Variants in CSMD1 observed in about 807,000 individuals in gnomAD.
CSMD1 encodes the protein CUB and Sushi multiple domains 1, also known as CUB and sushi domain-containing protein 1.
CSMD1 carries 213 observed loss-of-function variants against 417.5 expected under a neutral mutation model. That is an observed-to-expected ratio of 0.51 (90% CI 0.46 to 0.57). The LOEUF (loss-of-function observed/expected upper bound fraction) is 0.57. CSMD1 is among the 20% of genes least tolerant of loss of function. The pLI, the probability that CSMD1 is intolerant of heterozygous loss-of-function variation, is 0.00. For missense variants in CSMD1, 6,923 were observed against 4,529.7 expected (o/e 1.53, Z -15.17); for synonymous variants, 2,862 against 1,736.8 (o/e 1.65, Z -16.11).
intron 5 of CSMD1, among the ~76,000 whole-genome samples, chr8:3,876,559 A>T (rs1343268296): frequency 2.0e-5 from 3 of 152,282 alleles, no homozygotes; most frequent in African/African-American, 7.2e-5. Flanking sequence ...AAAAATTATT[A>T]ATTCTAAAAT....
At chr8:4,061,774 A>C (rs1798984510) in intron 3 of CSMD1, among the ~76,000 whole-genome samples, 1 of 152,200 alleles carries the variant, frequency 6.6e-6, no homozygotes, top group Non-Finnish European at 1.5e-5. Flanking sequence ...CAGTACCTAA[A>C]AAGGAGTTCT....
At chr8:3,628,805 G>A (rs1012756948) in intron 7 of CSMD1, among the ~76,000 whole-genome samples, 2 of 152,132 alleles carry the variant, frequency 1.3e-5, no homozygotes, top group East Asian at 1.9e-4. Context: ...TGGCACACGT[G>A]TCCGAGCCAA....
intron 1 of CSMD1, among the ~76,000 whole-genome samples, chr8:4,861,837 T>G (rs909979529): frequency 6.6e-6 from 1 of 152,108 alleles, no homozygotes; most frequent in African/African-American, 2.4e-5. Context: ...TTTCATAATA[T>G]GTGTGAGAAA....
In CSMD1 at chr8:4,826,241, C is replaced by T. The variant is rs113317982; in HGVS notation, c.85+168091G>A. On this transcript the variant is annotated intron_variant, in intron 1 of 69. Coordinates refer to ENST00000635120, the MANE Select transcript of CSMD1 (RefSeq NM_033225.6). ...CAAGACATGAAAGCAACCTAAATAT[C>T]CATTGACAGATGAACATATAAAGAA... Among the ~76,000 whole-genome samples, 576 of 151,826 alleles carry T rather than the reference C, an allele frequency of 3.8e-3. 8 individuals are homozygous for T. The highest frequency in any genetic ancestry group is 0.013 in the African/African-American group (536 of 41,422).
intron 1 of CSMD1, among the ~76,000 whole-genome samples, chr8:4,856,188 A>T (rs1282495791): frequency 1.2e-4 from 13 of 107,470 alleles, no homozygotes. Flanking sequence ...AAGGAGAAAT[A>T]AAATCCTTTG....
intron 3 of CSMD1, among the ~76,000 whole-genome samples, chr8:4,385,645 T>C (rs1007523215): frequency 2.0e-5 from 3 of 152,172 alleles, no homozygotes; most frequent in Admixed American, 6.5e-5. Flanking sequence ...GCAAAGACAA[T>C]TGGCATCATC....
At chr8:4,569,559 G>C (rs529912380) in intron 2 of CSMD1, among the ~76,000 whole-genome samples, 3 of 152,272 alleles carry the variant, frequency 2.0e-5, no homozygotes, top group Non-Finnish European at 4.4e-5. Context: ...TTGTAATATA[G>C]TTTGAAGTCA....
chr8:4,541,030 A>G (rs1054321589), intron 2 of CSMD1, among the ~76,000 whole-genome samples: 6 of 152,224 alleles, frequency 3.9e-5, no homozygotes, highest in Non-Finnish European at 8.8e-5. Context: ...TTTACTTAGC[A>G]AAATGTTTCA....
Position 3,988,708 on chromosome 8 carries a change from G to A in CSMD1, c.818+9195C>T, listed in dbSNP as rs138656098. ...TAAGTGATATACAGGATCTAAACCAGGATAGCATTTTGATTTTCATTCACA... is the reference window on the plus strand; with the variant it reads ...TAAGTGATATACAGGATCTAAACCAAGATAGCATTTTGATTTTCATTCACA... On this transcript the variant is annotated intron_variant, in intron 5 of 69. Transcript: ENST00000635120. Among the ~76,000 whole-genome samples, 86 of 152,296 alleles carry A rather than the reference G, an allele frequency of 5.6e-4. No homozygotes were observed. In the Middle Eastern group the frequency reaches 0.017, roughly 30 times the overall value.
At chr8:3,969,617 A>G (rs555037435) in intron 5 of CSMD1, among the ~76,000 whole-genome samples, 2 of 152,342 alleles carry the variant, frequency 1.3e-5, no homozygotes, top group South Asian at 4.1e-4. Flanking sequence ...CATAAAATTA[A>G]ATAAAGATTT....
intron 57 of CSMD1, 133 bp downstream of exon 57, chr8:2,972,984 T>C (rs1804592289): frequency 3.5e-6 from 3 of 868,714 alleles, no homozygotes; most frequent in Admixed American, 3.0e-5. Context: ...CTTCCACAAA[T>C]ATTGCGGGGA....
chr8:3,197,312 GTGTC>G (rs1796754435), intron 33 of CSMD1, among the ~76,000 whole-genome samples: 1 of 152,122 alleles, frequency 6.6e-6, no homozygotes, highest in Non-Finnish European at 1.5e-5. Flanking sequence ...TAACAGAACT[GTGTC>G]TGTTAACAAG....
intron 1 of CSMD1, among the ~76,000 whole-genome samples, chr8:4,834,956 C>CAAAAAAAAAA (rs1194297821): frequency 5.0e-5 from 1 of 19,830 alleles, no homozygotes; most frequent in African/African-American, 1.8e-4. Context: ...GACTCCATCT[C>CAAAAAAAAAA]AAAAAAAAAA....
intron 1 of CSMD1, among the ~76,000 whole-genome samples, chr8:4,838,790 A>G (rs536183277): frequency 1.3e-5 from 2 of 152,272 alleles, no homozygotes; most frequent in South Asian, 4.1e-4. Context: ...TTTGGTCGGA[A>G]CCGACAGACA....
chr8:4,526,117 A>G (rs1433702980), intron 2 of CSMD1, among the ~76,000 whole-genome samples: 1 of 152,180 alleles, frequency 6.6e-6, no homozygotes, highest in Non-Finnish European at 1.5e-5. Flanking sequence ...GAGACAAACT[A>G]AAAATAAGAA....
chr8:4,916,658 A>G (rs947648175), intron 1 of CSMD1, among the ~76,000 whole-genome samples: 10 of 152,222 alleles, frequency 6.6e-5, no homozygotes, highest in Admixed American at 2.0e-4. Context: ...ACTTTACACA[A>G]AGAGTCTAGG....
rs33939239 is a variant in CSMD1, at chr8:3,520,020, C to CTATATATATATATATATATATATATA, written c.1345-26295_1345-26294insTATATATATATATATATATATATATA. On this transcript the variant is annotated intron_variant, in intron 10 of 69. Transcript: ENST00000635120. ...TATATATGTGTGTGTGTGTATATAC[C>CTATATATATATATATATATATATATA]TATATATATATATATATATACACGT... is the stretch of plus-strand genomic sequence containing the variant. Among the ~76,000 whole-genome samples, 345 of 137,406 alleles carry CTATATATATATATATATATATATATA rather than the reference C, an allele frequency of 2.5e-3. 6 individuals are homozygous for CTATATATATATATATATATATATATA. The highest frequency in any genetic ancestry group is 9.4e-3 in the African/African-American group (318 of 33,702). 90.1% of individuals were successfully genotyped at this position (137,406 alleles called of 152,430 possible).
chr8:3,251,183 T>G (rs1341313378), intron 26 of CSMD1, among the ~76,000 whole-genome samples: 2 of 152,178 alleles, frequency 1.3e-5, no homozygotes, highest in Non-Finnish European at 2.9e-5. Flanking sequence ...CTTCTAGGGT[T>G]TTTATGGTTT....
chr8:4,796,091 C>G (rs1366144882), intron 1 of CSMD1, among the ~76,000 whole-genome samples: 1 of 152,112 alleles, frequency 6.6e-6, no homozygotes, highest in Non-Finnish European at 1.5e-5. Flanking sequence ...AGTAAATGTT[C>G]TTATTCCACA....
Sources: gnomAD v4.1 joint callset for allele counts (sites outside exome capture counted in the v4.1 genomes callset) on GRCh38, gnomAD v4.1.1 for gene constraint, MANE v1.5 for transcripts, NCBI Gene and HGNC (gene_info 2026-07-23, HGNC 2026-07-21) for gene names.